Variants in USP7 observed in about 807,000 individuals in gnomAD.
USP7 encodes ubiquitin specific peptidase 7.
USP7 carries 9 observed loss-of-function variants against 162.9 expected under a neutral mutation model. The observed-to-expected ratio is 0.06, with a 90% CI of 0.03 to 0.10. The LOEUF (loss-of-function observed/expected upper bound fraction) is 0.10, where lower values mean the gene tolerates loss of function less well. Ranked by LOEUF, USP7 falls within the 10% of genes least tolerant of loss-of-function variation. The pLI, the probability that USP7 is intolerant of heterozygous loss-of-function variation, is 1.00. For synonymous variants in USP7, 562 were observed against 475.9 expected (o/e 1.18, Z -2.35); for missense variants, 715 against 1,373.7 (o/e 0.52, Z 7.58).
chr16:8,922,230 T>G (rs1008002271), intron 3 of USP7, among the ~76,000 whole-genome samples: 14 of 152,234 alleles, frequency 9.2e-5, no homozygotes, highest in African/African-American at 3.4e-4. Flanking sequence ...GGCTCACGCC[T>G]GTAATCCCAG....
intron 30 of USP7, 42 bp downstream of exon 30, chr16:8,894,508 T>A: frequency 1.3e-6 from 2 of 1,585,676 alleles, no homozygotes; most frequent in Non-Finnish European, 1.7e-6. Flanking sequence ...TGTTTCTTAG[T>A]CTGAAACCCA....
chr16:8,957,759 A>G (rs1396012165), intron 1 of USP7, among the ~76,000 whole-genome samples: 1 of 130,180 alleles, frequency 7.7e-6, no homozygotes, highest in Non-Finnish European at 1.6e-5. Flanking sequence ...CCTGTCTCTT[A>G]AATTAAAAAA....
At chr16:8,904,671 G>C (rs1408576857) in intron 14 of USP7, 106 bp from the exon 15 acceptor site, 1 of 1,497,718 alleles carries the variant, frequency 6.7e-7, no homozygotes, top group South Asian at 1.3e-5. Context: ...AGGCCGGCGT[G>C]GTGGCTTACG....
At chr16:8,894,712 G>T in intron 29 of USP7, 72 bp from the exon 30 acceptor site, 1 of 1,612,860 alleles carries the variant, frequency 6.2e-7, no homozygotes, top group Non-Finnish European at 8.5e-7. Context: ...TGGCAAAAAA[G>T]CCTAGGCCGC....
chr16:8,906,130 T>G (rs960104156), intron 13 of USP7, among the ~76,000 whole-genome samples: 1 of 152,236 alleles, frequency 6.6e-6, no homozygotes, highest in Non-Finnish European at 1.5e-5. Context: ...GCCCACCGCA[T>G]GGGTAATTAT....
intron 11 of USP7, among the ~76,000 whole-genome samples, chr16:8,908,796 T>C (rs1179677002): frequency 1.3e-5 from 2 of 152,234 alleles, no homozygotes; most frequent in Non-Finnish European, 2.9e-5. Context: ...GTGCAAATTA[T>C]GGAGAACCAC....
Position 8,963,271 on chromosome 16 carries a change from C to G in USP7, c.15G>C (p.Gln5His), listed in dbSNP as rs1333347169. 1.3e-5 allele frequency: 18 copies of G among 1,349,726 alleles called. No individual in the cohort carries two copies. Among genetic ancestry groups the G allele is most frequent in the Non-Finnish European group, 1.4e-5 (15 of 1,037,078 alleles). 83.6% of individuals were successfully genotyped at this position (1,349,726 alleles called of 1,614,324 possible). The change falls in exon 1 of 31, where the codon CAG becomes CAC. Residue 5 changes from glutamine (Q) to histidine (H), a missense_variant. By Grantham distance (24) the Gln-to-His change is conservative. This residue lies in a region of USP7 where 137 missense variants were observed against 123.5 expected (regional missense o/e 1.11). Coordinates refer to ENST00000344836, the MANE Select transcript of USP7 (RefSeq NM_003470.3). Reference protein sequence around the residue: MNHQQQQQQQKAGEQ... With the variant: MNHQHQQQQQKAGEQ... Reference sequence around the variant, plus strand: ...CGCCCGCTTTCTGCTGCTGCTGCTGCTGCTGGTGGTTCATGTCGGCCGCGG... The same window carrying G: ...CGCCCGCTTTCTGCTGCTGCTGCTGGTGCTGGTGGTTCATGTCGGCCGCGG...
intron 1 of USP7, among the ~76,000 whole-genome samples, chr16:8,946,124 A>G (rs1899263838): frequency 6.6e-6 from 1 of 152,202 alleles, no homozygotes; most frequent in Non-Finnish European, 1.5e-5. Context: ...CTCCCCCACA[A>G]GACTCTCAAC....
intron 6 of USP7, 93 bp from the exon 7 acceptor site, chr16:8,917,249 C>A: frequency 3.5e-6 from 5 of 1,413,250 alleles, no homozygotes; most frequent in Non-Finnish European, 3.7e-6. Flanking sequence ...TTAAAAAAAT[C>A]ATTTCTAATA....
intron 2 of USP7, among the ~76,000 whole-genome samples, chr16:8,925,484 A>G (rs1190412997): frequency 6.6e-6 from 1 of 152,228 alleles, no homozygotes; most frequent in Non-Finnish European, 1.5e-5. Flanking sequence ...TTTTATGTAT[A>G]CAAAATCAAT....
chr16:8,897,726 A>AAAAAAATATATATAT, intron 25 of USP7, among the ~76,000 whole-genome samples: 9 of 7,138 alleles, frequency 1.3e-3, no homozygotes, highest in Non-Finnish European at 2.1e-3. Context: ...AAAAAAAAAA[A>AAAAAAATATATATAT]ATATATATAT....
chr16:8,925,630 C>T (rs748187837), intron 2 of USP7, among the ~76,000 whole-genome samples: 19 of 152,152 alleles, frequency 1.2e-4, no homozygotes, highest in Non-Finnish European at 2.1e-4. Flanking sequence ...TGCCCAGCCC[C>T]GCAGAGGCCA....
At chr16:8,955,222 T>C (rs1056542786) in intron 1 of USP7, among the ~76,000 whole-genome samples, 16 of 152,246 alleles carry the variant, frequency 1.1e-4, no homozygotes, top group African/African-American at 3.6e-4. Flanking sequence ...CTCGTTTTTT[T>C]ACATATTAAT....
intron 1 of USP7, among the ~76,000 whole-genome samples, chr16:8,938,922 CTT>C (rs1244634631): frequency 1.3e-5 from 2 of 152,136 alleles, no homozygotes; most frequent in African/African-American, 4.8e-5. Context: ...ATGAGGAAGA[CTT>C]GAGCATCTGT....
chr16:8,953,523 GAAGC>G (rs1899657502), intron 1 of USP7, among the ~76,000 whole-genome samples: 1 of 128,044 alleles, frequency 7.8e-6, no homozygotes, highest in African/African-American at 2.8e-5. Flanking sequence ...GGTGCCACTG[GAAGC>G]AGAGGGAAGA....
chr16:8,946,618 T>C (rs1272223310), intron 1 of USP7, among the ~76,000 whole-genome samples: 1 of 152,128 alleles, frequency 6.6e-6, no homozygotes, highest in Non-Finnish European at 1.5e-5. Flanking sequence ...AAAGTCAGAA[T>C]AGCTGAACTG....
intron 6 of USP7, 53 bp from the exon 7 acceptor site, chr16:8,917,209 T>TA (rs1897418087): frequency 8.5e-6 from 13 of 1,537,468 alleles, no homozygotes; most frequent in South Asian, 3.7e-5. Context: ...CAGGGGAATT[T>TA]AAAAAACAGT....
chr16:8,894,475 G>C (rs2061651045), intron 30 of USP7, 75 bp downstream of exon 30: 1 of 1,481,212 alleles, frequency 6.8e-7, no homozygotes, highest in Non-Finnish European at 9.2e-7. Flanking sequence ...CCCTGGGGCT[G>C]CCCCTCCCAG....
At chr16:8,901,493 A>G (rs1417748375) in intron 18 of USP7, among the ~76,000 whole-genome samples, 1 of 152,230 alleles carries the variant, frequency 6.6e-6, no homozygotes, top group East Asian at 1.9e-4. Context: ...GACGGTACTG[A>G]GTGCAGCAAA....
Sources: allele counts gnomAD v4.1 joint callset (sites outside exome capture counted in the v4.1 genomes callset), GRCh38; gene constraint gnomAD v4.1.1; regional missense constraint gnomAD v4.1.1; transcripts MANE v1.5; gene names NCBI Gene and HGNC (gene_info 2026-07-23, HGNC 2026-07-21).